MYO3B: variants seen among roughly 807,000 people sequenced by gnomAD.
The protein encoded by MYO3B is myosin-IIIb.
Under a neutral mutation model 174.6 loss-of-function variants are expected in MYO3B, and 156 were observed. The ratio of observed to expected loss-of-function variants is 0.89; its 90% CI spans 0.78 to 1.02. MYO3B has a LOEUF of 1.02. Ranked by LOEUF, MYO3B falls within the 50% of genes least tolerant of loss-of-function variation. MYO3B has a pLI of 0.00. For synonymous variants in MYO3B, 563 were observed against 569.1 expected (o/e 0.99, Z 0.15); for missense variants, 1,632 against 1,639.4 (o/e 1.00, Z 0.08).
intron 32 of MYO3B, among the ~76,000 whole-genome samples, chr2:170,634,386 T>C (rs1273138197): frequency 6.6e-6 from 1 of 152,170 alleles, no homozygotes; most frequent in African/African-American, 2.4e-5. Context: ...CCCTATTTAA[T>C]AAATGGTGCT....
chr2:170,386,361 TTTA>T (rs1272454119), intron 13 of MYO3B, 89 bp downstream of exon 13: 2 of 1,128,842 alleles, frequency 1.8e-6, no homozygotes, highest in African/African-American at 3.1e-5. Flanking sequence ...CTGGGTTTTT[TTTA>T]TTAAGGCTTA....
In MYO3B at chr2:170,404,099, C is replaced by T. The variant is rs1369825320; in HGVS notation, c.2278-148C>T. 4 of 774,382 alleles carry T rather than the reference C, an allele frequency of 5.2e-6. No homozygotes were observed. The African/African-American group carries it at 5.2e-5, about 10-fold the overall frequency. 48.0% of individuals were successfully genotyped at this position (774,382 alleles called of 1,614,324 possible). The stretch of plus-strand genomic sequence containing the variant: ...TGCACAGCTTTAATGGTGTTATATG[C>T]AGAAGATTCCTTTATTATACACATA... On this transcript the variant is annotated intron_variant, in intron 19 of 34. Coordinates refer to ENST00000408978, the MANE Select transcript of MYO3B (RefSeq NM_138995.5).
intron 9 of MYO3B, among the ~76,000 whole-genome samples, chr2:170,376,496 G>T (rs1247991056): frequency 1.3e-5 from 2 of 152,174 alleles, no homozygotes; most frequent in Non-Finnish European, 2.9e-5. Flanking sequence ...TGAATGTAGT[G>T]ATAAGGGAGT....
At chr2:170,236,394 C>T (rs1487501391) in intron 7 of MYO3B, among the ~76,000 whole-genome samples, 1 of 152,162 alleles carries the variant, frequency 6.6e-6, no homozygotes, top group Non-Finnish European at 1.5e-5. Flanking sequence ...CTGAGATACT[C>T]ATTTTTTGTA....
chr2:170,397,155 A>G lies in MYO3B; in HGVS notation c.1792-3033A>G, dbSNP rs1326325962. Among the ~76,000 whole-genome samples, 3 of 152,234 alleles carry G rather than the reference A, an allele frequency of 2.0e-5. No individual in the cohort carries two copies. In the East Asian group the frequency reaches 5.8e-4, roughly 29 times the overall value. On this transcript the variant is annotated intron_variant, in intron 16 of 34. Transcript: ENST00000408978. Reference sequence around the variant, plus strand: ...ATGATTCTTAAAGTAAAAAAAAATGACATATTGCCTTTGATTTAGAAGTTG... The same window carrying G: ...ATGATTCTTAAAGTAAAAAAAAATGGCATATTGCCTTTGATTTAGAAGTTG...
At chr2:170,462,344 TC>T (rs1684345719) in intron 23 of MYO3B, among the ~76,000 whole-genome samples, 1 of 152,316 alleles carries the variant, frequency 6.6e-6, no homozygotes, top group Middle Eastern at 3.4e-3. Flanking sequence ...CCATGTTTTC[TC>T]CCCTTCTTAA....
chr2:170,182,000 C>T (rs962411946), intron 1 of MYO3B, among the ~76,000 whole-genome samples: 1 of 152,056 alleles, frequency 6.6e-6, no homozygotes, highest in Non-Finnish European at 1.5e-5. Flanking sequence ...ATCTTTTATA[C>T]ATTTAAATTT....
At chr2:170,591,813 T>C (rs1161249375) in intron 32 of MYO3B, among the ~76,000 whole-genome samples, 2 of 152,212 alleles carry the variant, frequency 1.3e-5, no homozygotes, top group African/African-American at 4.8e-5. Context: ...ATATACAGAA[T>C]GCACCAGTAT....
intron 25 of MYO3B, among the ~76,000 whole-genome samples, chr2:170,482,430 C>A (rs1332243890): frequency 6.6e-6 from 1 of 152,230 alleles, no homozygotes. Context: ...GCTGGGATTA[C>A]AGGCATGAGC....
intron 32 of MYO3B, among the ~76,000 whole-genome samples, chr2:170,645,252 C>T (rs1208010094): frequency 6.6e-6 from 1 of 152,084 alleles, no homozygotes; most frequent in Non-Finnish European, 1.5e-5. Flanking sequence ...AGGTGGATTG[C>T]TTGAGGTCAG....
At chr2:170,258,247 T>C (rs1051205011) in intron 7 of MYO3B, among the ~76,000 whole-genome samples, 17 of 151,222 alleles carry the variant, frequency 1.1e-4, no homozygotes, top group Admixed American at 3.9e-4. Context: ...CTGATACCAA[T>C]GAGACAGTGA....
At chr2:170,199,438 C>T in intron 2 of MYO3B, 47 bp downstream of exon 2, 1 of 1,348,522 alleles carries the variant, frequency 7.4e-7, no homozygotes, top group Non-Finnish European at 1.0e-6. Context: ...GTTTTATGCA[C>T]ACTGAGTTTT....
intron 1 of MYO3B, among the ~76,000 whole-genome samples, chr2:170,189,275 T>C (rs1368203228): frequency 6.6e-6 from 1 of 152,130 alleles, no homozygotes; most frequent in Non-Finnish European, 1.5e-5. Flanking sequence ...CCTTTTGCAG[T>C]TTGATTACTA....
chr2:170,585,515 A>G (rs1693447251), intron 32 of MYO3B, among the ~76,000 whole-genome samples: 1 of 151,894 alleles, frequency 6.6e-6, no homozygotes, highest in African/African-American at 2.4e-5. Context: ...AACCATCCTC[A>G]ATTTTTTACA....
chr2:170,291,944 A>G (rs919309001), intron 7 of MYO3B, among the ~76,000 whole-genome samples: 1 of 151,988 alleles, frequency 6.6e-6, no homozygotes, highest in African/African-American at 2.4e-5. Flanking sequence ...GTGTTCTTTG[A>G]CCTTCCTGTA....
intron 30 of MYO3B, among the ~76,000 whole-genome samples, chr2:170,539,106 G>C: frequency 6.6e-6 from 1 of 152,150 alleles, no homozygotes; most frequent in East Asian, 1.9e-4. Flanking sequence ...GAATGTTACA[G>C]TGCATCAAGT....
chr2:170,528,239 AG>A (rs1409081649), intron 30 of MYO3B, among the ~76,000 whole-genome samples: 3 of 152,190 alleles, frequency 2.0e-5, no homozygotes, highest in African/African-American at 7.2e-5. Flanking sequence ...TTCTTTAGGA[AG>A]CTCACTTATT....
At chr2:170,386,505 A>G (rs1232159397) in intron 13 of MYO3B, among the ~76,000 whole-genome samples, 2 of 152,194 alleles carry the variant, frequency 1.3e-5, no homozygotes, top group African/African-American at 4.8e-5. Flanking sequence ...ATCGGCAATT[A>G]ATTTTCATGT....
At chr2:170,512,297 C>T (rs1216624684) in intron 28 of MYO3B, among the ~76,000 whole-genome samples, 1 of 152,118 alleles carries the variant, frequency 6.6e-6, no homozygotes, top group Non-Finnish European at 1.5e-5. Context: ...CTTTTGGTGG[C>T]ATTTGCCTGT....
Sources: allele counts gnomAD v4.1 joint callset (sites outside exome capture counted in the v4.1 genomes callset), GRCh38; gene constraint gnomAD v4.1.1; transcripts MANE v1.5; gene names NCBI Gene and HGNC (gene_info 2026-07-23, HGNC 2026-07-21).